Variants in NTM observed in about 807,000 individuals in gnomAD.
NTM encodes IgLON family member 2.
Under a neutral mutation model 42.1 loss-of-function variants are expected in NTM, and 13 were observed. The observed-to-expected ratio is 0.31, with a 90% CI of 0.20 to 0.49. NTM has a LOEUF of 0.49. Ranked by LOEUF, NTM falls within the 20% of genes least tolerant of loss-of-function variation. NTM has a pLI of 0.99. For synonymous variants in NTM, 187 were observed against 179.2 expected, an observed-to-expected ratio of 1.04 and a Z score of -0.35; for missense variants, 373 against 452.8, an observed-to-expected ratio of 0.82 and a Z score of 1.60.
At chr11:131,982,720 C>G (rs1382812068) in intron 2 of NTM, among the ~76,000 whole-genome samples, 7 of 152,182 alleles carry the variant, frequency 4.6e-5, no homozygotes, top group Non-Finnish European at 1.0e-4. Flanking sequence ...CATTACACGT[C>G]ATAAAGGACT....
At chr11:131,737,454 A>T (rs1264297587) in intron 1 of NTM, among the ~76,000 whole-genome samples, 1 of 152,158 alleles carries the variant, frequency 6.6e-6, no homozygotes, top group African/African-American at 2.4e-5. Flanking sequence ...GAAACCATTC[A>T]TGTTATTTGT....
intron 2 of NTM, among the ~76,000 whole-genome samples, chr11:132,051,777 G>A (rs570562644): frequency 6.6e-6 from 1 of 152,242 alleles, no homozygotes; most frequent in African/African-American, 2.4e-5. Context: ...GATCCGGAAT[G>A]TGAGGAACAA....
intron 4 of NTM, among the ~76,000 whole-genome samples, chr11:132,300,437 C>G (rs2140111499): frequency 6.6e-6 from 1 of 152,306 alleles, no homozygotes; most frequent in East Asian, 1.9e-4. Context: ...ATAATACTGT[C>G]TATAGGGCTC....
chr11:131,974,366 C>A (rs2064002224), intron 2 of NTM, among the ~76,000 whole-genome samples: 1 of 152,148 alleles, frequency 6.6e-6, no homozygotes, highest in Non-Finnish European at 1.5e-5. Context: ...TTTAGGCTAG[C>A]TTTTTTTAAG....
chr11:131,412,213 T>G (rs976327037), intron 1 of NTM, among the ~76,000 whole-genome samples: 3 of 152,144 alleles, frequency 2.0e-5, no homozygotes, highest in African/African-American at 7.2e-5. Flanking sequence ...GAACAGCATT[T>G]GTTTGGGGCT....
At chr11:131,717,926 G>T (rs1230882876) in intron 1 of NTM, among the ~76,000 whole-genome samples, 1 of 152,150 alleles carries the variant, frequency 6.6e-6, no homozygotes, top group Non-Finnish European at 1.5e-5. Context: ...AGGAACAGAT[G>T]TTACAGTTTG....
At chr11:131,879,396 T>A (rs1265748227) in intron 1 of NTM, among the ~76,000 whole-genome samples, 1 of 152,166 alleles carries the variant, frequency 6.6e-6, no homozygotes, top group Admixed American at 6.5e-5. Flanking sequence ...TATGGACAAC[T>A]TTTTCTGGAA....
At chr11:132,177,475 T>C (rs556352051) in intron 3 of NTM, among the ~76,000 whole-genome samples, 2 of 152,310 alleles carry the variant, frequency 1.3e-5, no homozygotes, top group Admixed American at 6.5e-5. Flanking sequence ...CAAAGTGGAA[T>C]AGGGGACACA....
At chr11:131,454,102 A>C (rs1224726162) in intron 1 of NTM, among the ~76,000 whole-genome samples, 1 of 152,102 alleles carries the variant, frequency 6.6e-6, no homozygotes, top group Non-Finnish European at 1.5e-5. Context: ...CTGCAGTTTT[A>C]TTTTCCATAG....
intron 2 of NTM, among the ~76,000 whole-genome samples, chr11:132,081,927 CACAT>C (rs2059115886): frequency 7.3e-6 from 1 of 136,946 alleles, no homozygotes; most frequent in Non-Finnish European, 1.5e-5. Context: ...CACACACACA[CACAT>C]ATTCATATAT....
chr11:131,534,477 T>C (rs979731428), intron 1 of NTM: 2 of 152,174 alleles, frequency 1.3e-5, no homozygotes, highest in African/African-American at 4.8e-5. Flanking sequence ...CTCTTTAAGA[T>C]GGGGGTAACA....
At chr11:131,979,486 C>T (rs974255942) in intron 2 of NTM, among the ~76,000 whole-genome samples, 1 of 152,202 alleles carries the variant, frequency 6.6e-6, no homozygotes, top group African/African-American at 2.4e-5. Context: ...GGGCAAACCT[C>T]TGGCCAAAGT....
chr11:132,210,117 G>T (rs570464243), intron 3 of NTM, among the ~76,000 whole-genome samples: 1 of 152,298 alleles, frequency 6.6e-6, no homozygotes, highest in South Asian at 2.1e-4. Context: ...TAAAGTCATC[G>T]TGCAGCTTCC....
At chr11:131,550,236 C>T (rs1475863923) in intron 1 of NTM, among the ~76,000 whole-genome samples, 1 of 152,188 alleles carries the variant, frequency 6.6e-6, no homozygotes, top group African/African-American at 2.4e-5. Context: ...TGCTTGAGCC[C>T]AGGAGTTTGA....
At chr11:131,797,917 A>G (rs1443551116) in intron 1 of NTM, among the ~76,000 whole-genome samples, 1 of 152,182 alleles carries the variant, frequency 6.6e-6, no homozygotes, top group Non-Finnish European at 1.5e-5. Flanking sequence ...ATTGTGCACA[A>G]GTAGCAGCCA....
At chr11:131,643,222 T>G (rs879459412) in intron 1 of NTM, among the ~76,000 whole-genome samples, 1 of 152,198 alleles carries the variant, frequency 6.6e-6, no homozygotes, top group Non-Finnish European at 1.5e-5. Flanking sequence ...TCAAGGTAAT[T>G]AAATGGCACA....
At chr11:131,649,300 A>G (rs1292111979) in intron 1 of NTM, among the ~76,000 whole-genome samples, 1 of 152,242 alleles carries the variant, frequency 6.6e-6, no homozygotes, top group East Asian at 1.9e-4. Context: ...ATCATATCCA[A>G]GTAAAGGGTA....
At chr11:131,411,139 T>C (rs907513506) in intron 1 of NTM, among the ~76,000 whole-genome samples, 3 of 152,200 alleles carry the variant, frequency 2.0e-5, no homozygotes, top group African/African-American at 7.2e-5. Context: ...TGCTAAAATA[T>C]CACTTTCCTT....
At chr11:131,462,532 G>T (rs549242589) in intron 1 of NTM, among the ~76,000 whole-genome samples, 1 of 152,190 alleles carries the variant, frequency 6.6e-6, no homozygotes, top group Non-Finnish European at 1.5e-5. Flanking sequence ...TAGTGAATTC[G>T]GTTCAGCAGA....
Sources: gnomAD v4.1 joint callset for allele counts (sites outside exome capture counted in the v4.1 genomes callset) on GRCh38, gnomAD v4.1.1 for gene constraint, MANE v1.5 for transcripts, NCBI Gene and HGNC (gene_info 2026-07-23, HGNC 2026-07-21) for gene names.